The following KCNIP4 variants were observed in gnomAD, a reference collection of about 807,000 sequenced individuals.
The protein encoded by KCNIP4 is Kv channel-interacting protein 4.
Under a neutral mutation model 34.0 loss-of-function variants are expected in KCNIP4, and 12 were observed. That is an observed-to-expected ratio of 0.35 (90% confidence interval 0.23 to 0.57). The LOEUF is 0.57. Among genes scored for constraint, KCNIP4 ranks in the 20% least tolerant of loss-of-function variants. The probability of loss-of-function intolerance (pLI) is 0.83; values close to 1 mark genes in which losing one functional copy is unlikely to be tolerated. For synonymous variants in KCNIP4, 124 were observed against 102.2 expected, an observed-to-expected ratio of 1.21 and a Z score of -1.29; for missense variants, 238 against 311.7, an observed-to-expected ratio of 0.76 and a Z score of 1.78.
intron 1 of KCNIP4, among the ~76,000 whole-genome samples, chr4:21,918,424 G>C (rs2108992110): frequency 6.6e-6 from 1 of 152,264 alleles, no homozygotes; most frequent in East Asian, 1.9e-4. Flanking sequence ...ATTAGAAAAA[G>C]AGTTCCACAG....
chr4:21,467,783 T>C (rs1730120669), intron 1 of KCNIP4, among the ~76,000 whole-genome samples: 1 of 152,200 alleles, frequency 6.6e-6, no homozygotes, highest in Admixed American at 6.5e-5. Context: ...GACTCATTTC[T>C]GAGACTCTCT....
At chr4:21,269,586 T>G (rs1232687840) in intron 1 of KCNIP4, among the ~76,000 whole-genome samples, 1 of 151,916 alleles carries the variant, frequency 6.6e-6, no homozygotes, top group Non-Finnish European at 1.5e-5. Flanking sequence ...TTGTATGTTT[T>G]GTAGCATCAT....
In KCNIP4 at chr4:20,939,663, C is replaced by T. The variant is rs539744429; in HGVS notation, c.62-56954G>A. Reference sequence around the variant, plus strand: ...CTGGGATTACAGGTATGAGCCACCACGCCTGGCCTCAGCCCATGATCTTTT... The same window carrying T: ...CTGGGATTACAGGTATGAGCCACCATGCCTGGCCTCAGCCCATGATCTTTT... On this transcript the variant is annotated intron_variant, in intron 1 of 8. Coordinates refer to ENST00000382152, the MANE Select transcript of KCNIP4 (RefSeq NM_025221.6). 8.5e-5 allele frequency among the ~76,000 whole-genome samples: 13 copies of T among 152,222 alleles called. No individual in the cohort carries two copies. The South Asian group carries it at 1.0e-3, about 12-fold the overall frequency.
At position 21,080,461 on chromosome 4, in the gene KCNIP4, T is replaced by G. The variant is rs73802452; in HGVS notation, c.62-197752A>C. On this transcript the variant is annotated intron_variant, in intron 1 of 8. Coordinates refer to ENST00000382152, the MANE Select transcript of KCNIP4 (RefSeq NM_025221.6). ...ATAAGATCTTTCTTCCTTAAATTTA[T>G]AGAGTACTTTACCTTAACAATATTT... is the stretch of plus-strand genomic sequence containing the variant. 3.9e-4 allele frequency among the ~76,000 whole-genome samples: 59 copies of G among 151,874 alleles called. 1 individual carries two copies. Among genetic ancestry groups the G allele is most frequent in the Admixed American group, 3.2e-3 (49 of 15,228 alleles).
intron 1 of KCNIP4, among the ~76,000 whole-genome samples, chr4:21,099,289 TA>T (rs1288129700): frequency 1.3e-5 from 2 of 152,162 alleles, no homozygotes. Context: ...TATGCAGCCA[TA>T]AAAATGAATA....
At position 21,307,659 on chromosome 4, in the gene KCNIP4, C is replaced by T. The variant is rs534451246; in HGVS notation, c.62-424950G>A. ...GAATGAATAATCTGATTGATATTCT[C>T]ACCTAAAAAGCTACCTGCTCTCTCA... On this transcript the variant is annotated intron_variant, in intron 1 of 8. Coordinates refer to ENST00000382152, the MANE Select transcript of KCNIP4 (RefSeq NM_025221.6). Among the ~76,000 whole-genome samples, 17 of 152,292 alleles carry T rather than the reference C, an allele frequency of 1.1e-4. 1 individual carries two copies. In the South Asian group the frequency reaches 3.5e-3, roughly 32 times the overall value.
intron 1 of KCNIP4, among the ~76,000 whole-genome samples, chr4:20,986,077 A>T (rs1736548072): frequency 6.6e-6 from 1 of 152,076 alleles, no homozygotes. Context: ...CACATATGGT[A>T]GTTGTGGGGT....
intron 1 of KCNIP4, among the ~76,000 whole-genome samples, chr4:21,121,340 C>T (rs1056239995): frequency 2.0e-5 from 3 of 152,112 alleles, no homozygotes; most frequent in Non-Finnish European, 2.9e-5. Context: ...GTATTAAATC[C>T]TGGTTTTCTT....
rs78891312 is a variant in KCNIP4 at position 21,029,518 on chromosome 4, A to G, written c.62-146809T>C. Among the ~76,000 whole-genome samples the G allele has an allele frequency of 4.6e-3, 701 of 152,334 alleles. 8 individuals carry two copies. The highest frequency in any genetic ancestry group is 0.013 in the Admixed American group (193 of 15,298). On this transcript the variant is annotated intron_variant, in intron 1 of 8. Coordinates refer to ENST00000382152, the MANE Select transcript of KCNIP4 (RefSeq NM_025221.6). ...GATCTGGTCAAAACTGGATATGGAT[A>G]AAAATGCACTTTAGAATTACTTTTG...
intron 1 of KCNIP4, among the ~76,000 whole-genome samples, chr4:21,358,835 G>T (rs1431730368): frequency 6.6e-6 from 1 of 152,062 alleles, no homozygotes; most frequent in East Asian, 1.9e-4. Context: ...GCAATAATTT[G>T]TCTCTTATCT....
At chr4:21,718,938 T>G (rs924208048) in intron 1 of KCNIP4, 2 of 152,216 alleles carry the variant, frequency 1.3e-5, no homozygotes, top group Non-Finnish European at 2.9e-5. Context: ...TTTTTTGGAT[T>G]CTAATCTCCA....
At chr4:20,907,970 A>C (rs1727942803) in intron 1 of KCNIP4, among the ~76,000 whole-genome samples, 1 of 152,150 alleles carries the variant, frequency 6.6e-6, no homozygotes, top group Admixed American at 6.5e-5. Flanking sequence ...ATTCTGATAA[A>C]AGAGATTCCT....
At chr4:21,615,103 G>C (rs1238149001) in intron 1 of KCNIP4, among the ~76,000 whole-genome samples, 1 of 151,318 alleles carries the variant, frequency 6.6e-6, no homozygotes, top group African/African-American at 2.4e-5. Flanking sequence ...ACAATTGAAA[G>C]AAAGAATGAA....
chr4:21,485,003 T>C (rs1465666936), intron 1 of KCNIP4, among the ~76,000 whole-genome samples: 1 of 152,158 alleles, frequency 6.6e-6, no homozygotes, highest in Non-Finnish European at 1.5e-5. Flanking sequence ...TGAATGGCAA[T>C]TTGCAAGATA....
intron 1 of KCNIP4, among the ~76,000 whole-genome samples, chr4:21,491,320 C>G (rs1162677402): frequency 6.6e-6 from 1 of 152,082 alleles, no homozygotes; most frequent in Non-Finnish European, 1.5e-5. Flanking sequence ...CTTTGAAAGG[C>G]ATGTGTGGAA....
intron 1 of KCNIP4, among the ~76,000 whole-genome samples, chr4:21,313,609 G>A (rs1241970256): frequency 3.3e-5 from 5 of 152,138 alleles, no homozygotes; most frequent in Non-Finnish European, 5.9e-5. Context: ...ACAGGACACC[G>A]TTAGTAGAAC....
At chr4:21,437,481 G>A (rs538943445) in intron 1 of KCNIP4, among the ~76,000 whole-genome samples, 8 of 152,166 alleles carry the variant, frequency 5.3e-5, no homozygotes, top group Middle Eastern at 3.4e-3. Flanking sequence ...TTCCCATTCC[G>A]TTCTCCTAAG....
chr4:20,844,351 A>C (rs1720112150), intron 3 of KCNIP4, among the ~76,000 whole-genome samples: 1 of 152,212 alleles, frequency 6.6e-6, no homozygotes, highest in South Asian at 2.1e-4. Context: ...CCTTAATTCT[A>C]AAGTACATGA....
intron 3 of KCNIP4, among the ~76,000 whole-genome samples, chr4:20,818,581 G>A (rs1716710284): frequency 6.6e-6 from 1 of 152,142 alleles, no homozygotes; most frequent in Non-Finnish European, 1.5e-5. Context: ...ATTCCTCCAA[G>A]TGCTAAGGGC....
Sources: gnomAD v4.1 joint callset for allele counts (sites outside exome capture counted in the v4.1 genomes callset) on GRCh38, gnomAD v4.1.1 for gene constraint, MANE v1.5 for transcripts, NCBI Gene and HGNC (gene_info 2026-07-23, HGNC 2026-07-21) for gene names.